Variants in WWP2 observed in about 807,000 individuals in gnomAD.
WWP2 encodes WW domain containing E3 ubiquitin protein ligase 2.
Under a neutral mutation model 121.0 loss-of-function variants are expected in WWP2, and 57 were observed. That is an observed-to-expected ratio of 0.47 (90% CI 0.38 to 0.59). The LOEUF is 0.59. Ranked by LOEUF, WWP2 falls within the 20% of genes least tolerant of loss-of-function variation. The pLI, the probability that WWP2 is intolerant of heterozygous loss-of-function variation, is 0.00. For synonymous variants in WWP2, 449 were observed against 441.3 expected (o/e 1.02, Z -0.22); for missense variants, 962 against 1,158.9 (o/e 0.83, Z 2.47).
intron 7 of WWP2, among the ~76,000 whole-genome samples, chr16:69,880,505 G>A (rs1423089318): frequency 6.6e-6 from 1 of 152,092 alleles, no homozygotes; most frequent in Non-Finnish European, 1.5e-5. Context: ...ATGTAAGTAG[G>A]AACTGTGTTC....
chr16:69,840,130 G>A lies in WWP2; in HGVS notation c.345G>A (p.Glu115=). The part of the protein sequence containing the change: ...NVLKNNGGKM[E]NMQLTLNLQT... ...GTTGCCTTTTGTACCCCACAGTGGAGAACATGCAGCTGACCCTGAACCTGC... is the reference window on the plus strand; with the variant it reads ...GTTGCCTTTTGTACCCCACAGTGGAAAACATGCAGCTGACCCTGAACCTGC... The change falls in exon 5 of 24, where the codon GAG becomes GAA. Residue 115 remains glutamate, a synonymous_variant. Transcript: ENST00000359154. 1 of 1,614,276 alleles carries A rather than the reference G, an allele frequency of 6.2e-7. No homozygotes were observed. Among genetic ancestry groups the A allele is most frequent in the Non-Finnish European group, 8.5e-7 (1 of 1,180,052 alleles).
rs543544978 is a variant in WWP2, at chr16:69,891,053, G to T, written c.914+2804G>T. Reference sequence around the variant, plus strand: ...ACGTGCTCTTCTCTAAGATGGCTAGGAGGGCTCTGTGGGCTGACTCGGGGC... The same window carrying T: ...ACGTGCTCTTCTCTAAGATGGCTAGTAGGGCTCTGTGGGCTGACTCGGGGC... On this transcript the variant is annotated intron_variant, in intron 8 of 23. Transcript: ENST00000359154. 5.3e-5 allele frequency among the ~76,000 whole-genome samples: 8 copies of T among 152,234 alleles called. No homozygotes were observed. In the East Asian group the frequency reaches 1.5e-3, roughly 29 times the overall value.
chr16:69,762,935 C>A (rs899408559), intron 1 of WWP2, among the ~76,000 whole-genome samples: 2 of 152,140 alleles, frequency 1.3e-5, no homozygotes, highest in African/African-American at 4.8e-5. Context: ...GAATCTTGAT[C>A]GTCTTGCTTC....
intron 6 of WWP2, among the ~76,000 whole-genome samples, chr16:69,847,856 G>A (rs2057114547): frequency 6.6e-6 from 1 of 152,040 alleles, no homozygotes; most frequent in Non-Finnish European, 1.5e-5. Flanking sequence ...TGCCACATTG[G>A]GAATCAAATT....
At chr16:69,848,622 G>A (rs530055421) in intron 6 of WWP2, among the ~76,000 whole-genome samples, 1 of 128,044 alleles carries the variant, frequency 7.8e-6, no homozygotes, top group African/African-American at 3.0e-5. Context: ...GGGCAACAGA[G>A]CTAGATGCTG....
chr16:69,853,893 C>T (rs540673838), intron 6 of WWP2, among the ~76,000 whole-genome samples: 1 of 152,288 alleles, frequency 6.6e-6, no homozygotes, highest in African/African-American at 2.4e-5. Context: ...AACCACATCT[C>T]CCATGGTGGT....
chr16:69,807,510 T>G (rs999352506), intron 4 of WWP2, among the ~76,000 whole-genome samples: 4 of 149,864 alleles, frequency 2.7e-5, no homozygotes, highest in South Asian at 2.1e-4. Flanking sequence ...TCCCAGCTAC[T>G]CGGGAGGCTG....
chr16:69,917,991 T>C (rs2058501485), intron 10 of WWP2, 108 bp downstream of exon 10: 8 of 1,384,780 alleles, frequency 5.8e-6, no homozygotes, highest in African/African-American at 1.4e-5. Context: ...AAACAGCGTC[T>C]GGCAACGTCA....
At chr16:69,879,375 T>G (rs1420138195) in intron 7 of WWP2, among the ~76,000 whole-genome samples, 1 of 152,090 alleles carries the variant, frequency 6.6e-6, no homozygotes, top group African/African-American at 2.4e-5. Flanking sequence ...ACAATAACAT[T>G]TCCCCCCAAC....
At chr16:69,785,966 T>A (rs1294629903) in intron 1 of WWP2, 2 of 151,290 alleles carry the variant, frequency 1.3e-5, no homozygotes, top group Non-Finnish European at 2.9e-5. Context: ...CTTCTTTTTC[T>A]CTTTCCTTTT....
chr16:69,788,374 A>G (rs1166039297), intron 2 of WWP2, among the ~76,000 whole-genome samples: 1 of 152,048 alleles, frequency 6.6e-6, no homozygotes, highest in Non-Finnish European at 1.5e-5. Flanking sequence ...CAAACCATTC[A>G]AGGGTGCTCC....
chr16:69,909,243 G>A (rs1311501202), intron 9 of WWP2: 2 of 994,820 alleles, frequency 2.0e-6, no homozygotes, highest in African/African-American at 1.7e-5. Flanking sequence ...TCAAGGAGAA[G>A]GGGTTTGGTT....
Position 69,800,857 on chromosome 16 carries a change from A to G in WWP2, c.340+1562A>G, listed in dbSNP as rs147906123. 2.2e-3 allele frequency among the ~76,000 whole-genome samples: 332 copies of G among 149,578 alleles called. 2 individuals are homozygous for G. Among genetic ancestry groups the G allele is most frequent in the South Asian group, 5.8e-3 (27 of 4,630 alleles). The stretch of plus-strand genomic sequence containing the variant: ...TGGGATTACAGGCGTGAGCCACTGC[A>G]CCCAGCCTGATAGTTATTCTTAATG... On this transcript the variant is annotated intron_variant, in intron 4 of 23. Transcript: ENST00000359154.
At chr16:69,856,416 T>C (rs1323766835) in intron 6 of WWP2, among the ~76,000 whole-genome samples, 4 of 152,174 alleles carry the variant, frequency 2.6e-5, no homozygotes. Flanking sequence ...ACTTGCCAAA[T>C]TGTACCCTTA....
At chr16:69,826,956 G>GCA (rs1378566501) in intron 4 of WWP2, among the ~76,000 whole-genome samples, 1 of 17,320 alleles carries the variant, frequency 5.8e-5, no homozygotes, top group Non-Finnish European at 2.8e-4. Flanking sequence ...AAAAAAAAAG[G>GCA]GGGGGGGGCG....
intron 4 of WWP2, among the ~76,000 whole-genome samples, 155 bp from the exon 5 acceptor site, chr16:69,839,971 A>G (rs1272863886): frequency 6.6e-6 from 1 of 151,910 alleles, no homozygotes; most frequent in African/African-American, 2.4e-5. Context: ...ATTCCTTCCC[A>G]CTCTTTTTTC....
At chr16:69,867,140 C>CT (rs11287046) in intron 6 of WWP2, among the ~76,000 whole-genome samples, 2,491 of 132,600 alleles carry the variant, frequency 0.019, 26 homozygotes, top group African/African-American at 0.026. Context: ...CTGGCCAAGG[C>CT]TTTTTTTTTT....
At chr16:69,771,744 GT>G (rs1404590988) in intron 1 of WWP2, among the ~76,000 whole-genome samples, 2 of 152,036 alleles carry the variant, frequency 1.3e-5, no homozygotes, top group Non-Finnish European at 2.9e-5. Context: ...CTTCTGCAAT[GT>G]TTGTTGACAT....
At chr16:69,840,317 G>T in intron 5 of WWP2, 54 bp downstream of exon 5, 1 of 1,605,450 alleles carries the variant, frequency 6.2e-7, no homozygotes, top group South Asian at 1.1e-5. Flanking sequence ...GGGCTGGGCG[G>T]GGGCCAGGAG....
Sources: allele counts gnomAD v4.1 joint callset (sites outside exome capture counted in the v4.1 genomes callset), GRCh38; gene constraint gnomAD v4.1.1; transcripts MANE v1.5; gene names NCBI Gene and HGNC (gene_info 2026-07-23, HGNC 2026-07-21).